The following AUTS2 variants were observed in gnomAD, a reference collection of about 807,000 sequenced individuals.
The protein encoded by AUTS2 is autism susceptibility gene 2 protein.
Under a neutral mutation model 112.4 loss-of-function variants are expected in AUTS2, and 17 were observed. That is an observed-to-expected ratio of 0.15 (90% CI 0.10 to 0.23). The LOEUF (loss-of-function observed/expected upper bound fraction) is 0.23. AUTS2 is among the 10% of genes least tolerant of loss of function. AUTS2 has a pLI of 1.00. For synonymous variants in AUTS2, 751 were observed against 702.7 expected (o/e 1.07, Z -1.09); for missense variants, 1,510 against 1,701.6 (o/e 0.89, Z 1.98).
chr7:70,462,113 G>A (rs1796989320), intron 5 of AUTS2, among the ~76,000 whole-genome samples: 1 of 152,076 alleles, frequency 6.6e-6, no homozygotes, highest in Non-Finnish European at 1.5e-5. Flanking sequence ...TTATCCAGGT[G>A]TGGTGGCATG....
At chr7:70,410,822 T>A (rs1419571141) in intron 4 of AUTS2, among the ~76,000 whole-genome samples, 28 of 151,222 alleles carry the variant, frequency 1.9e-4, no homozygotes, top group Admixed American at 1.8e-3. Flanking sequence ...ATGAAGGAAC[T>A]AAGGAAATAA....
At chr7:69,705,607 G>T (rs532772198) in intron 1 of AUTS2, among the ~76,000 whole-genome samples, 7 of 152,344 alleles carry the variant, frequency 4.6e-5, no homozygotes, top group African/African-American at 1.2e-4. Context: ...TTGGATCCAA[G>T]TGGAAATTAA....
At chr7:70,253,321 A>C (rs950741733) in intron 4 of AUTS2, among the ~76,000 whole-genome samples, 2 of 152,216 alleles carry the variant, frequency 1.3e-5, no homozygotes, top group Non-Finnish European at 2.9e-5. Context: ...CTGTTAGTAC[A>C]TACTAGGTGG....
At chr7:69,830,694 G>T (rs1428662024) in intron 1 of AUTS2, among the ~76,000 whole-genome samples, 1 of 152,086 alleles carries the variant, frequency 6.6e-6, no homozygotes, top group Non-Finnish European at 1.5e-5. Context: ...ATATTTATTT[G>T]TTTACTCTCT....
chr7:70,575,123 G>A (rs147688029), intron 5 of AUTS2, among the ~76,000 whole-genome samples: 2 of 152,286 alleles, frequency 1.3e-5, no homozygotes, highest in East Asian at 1.9e-4. Context: ...TAAAACGCTC[G>A]CAGAGACCTA....
intron 4 of AUTS2, among the ~76,000 whole-genome samples, chr7:70,265,114 GA>G (rs1262383515): frequency 1.3e-5 from 2 of 152,090 alleles, no homozygotes; most frequent in Middle Eastern, 3.4e-3. Context: ...TTTAATCTGA[GA>G]AAAAAATAAG....
intron 4 of AUTS2, among the ~76,000 whole-genome samples, chr7:70,153,331 A>G (rs999497328): frequency 1.3e-5 from 2 of 152,210 alleles, no homozygotes; most frequent in African/African-American, 2.4e-5. Context: ...AAAGGTACAT[A>G]TTGTATGGTT....
At chr7:70,395,561 G>A (rs1433614263) in intron 4 of AUTS2, among the ~76,000 whole-genome samples, 1 of 152,196 alleles carries the variant, frequency 6.6e-6, no homozygotes, top group Admixed American at 6.5e-5. Flanking sequence ...GTATGTGATT[G>A]AGCTGAGTAT....
At chr7:69,956,885 CAG>C (rs371593576) in intron 2 of AUTS2, among the ~76,000 whole-genome samples, 484 of 150,980 alleles carry the variant, frequency 3.2e-3, no homozygotes, top group African/African-American at 0.011. Context: ...TCTTTTGAGA[CAG>C]GGTCTCATTC....
At chr7:69,784,024 A>G (rs897655584) in intron 1 of AUTS2, among the ~76,000 whole-genome samples, 4 of 151,920 alleles carry the variant, frequency 2.6e-5, no homozygotes, top group Non-Finnish European at 5.9e-5. Context: ...CCCCTCCCCA[A>G]CCTTCAACTG....
chr7:70,163,493 C>T (rs1202009333), intron 4 of AUTS2, among the ~76,000 whole-genome samples: 1 of 152,096 alleles, frequency 6.6e-6, no homozygotes, highest in African/African-American at 2.4e-5. Flanking sequence ...ATGCAAAAGC[C>T]ATATGCTACT....
intron 4 of AUTS2, among the ~76,000 whole-genome samples, chr7:70,232,903 A>C (rs181696858): frequency 1.3e-5 from 2 of 152,318 alleles, no homozygotes; most frequent in East Asian, 3.9e-4. Flanking sequence ...TTTAAAGAAA[A>C]ACTCCAGAAT....
chr7:69,884,405 G>C (rs913403019), intron 1 of AUTS2, among the ~76,000 whole-genome samples: 1 of 152,186 alleles, frequency 6.6e-6, no homozygotes, highest in Non-Finnish European at 1.5e-5. Context: ...TAGATTATGA[G>C]TTTAAAAGTA....
At chr7:70,656,568 T>G (rs755096555) in intron 5 of AUTS2, among the ~76,000 whole-genome samples, 1 of 152,246 alleles carries the variant, frequency 6.6e-6, no homozygotes, top group African/African-American at 2.4e-5. Context: ...ATTTCAGTAC[T>G]TTCCATAACT....
chr7:69,972,385 T>A (rs748760563), intron 2 of AUTS2, among the ~76,000 whole-genome samples: 5 of 152,202 alleles, frequency 3.3e-5, no homozygotes, highest in African/African-American at 4.8e-5. Context: ...TTGCACATAT[T>A]TTCTTCTAAT....
chr7:70,642,513 T>C (rs1051919608), intron 5 of AUTS2, among the ~76,000 whole-genome samples: 4 of 152,216 alleles, frequency 2.6e-5, no homozygotes, highest in African/African-American at 7.2e-5. Flanking sequence ...TTGCCTTGAA[T>C]TTATTTCCAA....
At chr7:69,988,696 C>G (rs1439275939) in intron 2 of AUTS2, among the ~76,000 whole-genome samples, 1 of 152,210 alleles carries the variant, frequency 6.6e-6, no homozygotes, top group Admixed American at 6.5e-5. Flanking sequence ...AATGGCTGCT[C>G]ACTTTGCAGG....
chr7:70,694,625 G>C lies in AUTS2; in HGVS notation c.691-3944G>C, dbSNP rs1210834958. 2.0e-5 allele frequency: 3 copies of C among 148,388 alleles called. No homozygotes were observed. The highest frequency in any genetic ancestry group is 3.0e-5 in the Non-Finnish European group (2 of 66,858). 9.2% of individuals were successfully genotyped at this position (148,388 alleles called of 1,614,324 possible). ...GGCTCAGGCCGCTCTTCTCCGCCTCGCCCTCCCGCCGGCCGGCCCGGGACG... is the reference window on the plus strand; with the variant it reads ...GGCTCAGGCCGCTCTTCTCCGCCTCCCCCTCCCGCCGGCCGGCCCGGGACG... On this transcript the variant is annotated intron_variant, in intron 5 of 18. Transcript: ENST00000342771. This position sits in a 1 kb window ranked among gnomAD's most constrained non-coding sequence, Gnocchi z 4.1.
intron 5 of AUTS2, among the ~76,000 whole-genome samples, chr7:70,615,053 G>T (rs558823379): frequency 6.6e-6 from 1 of 152,194 alleles, no homozygotes; most frequent in South Asian, 2.1e-4. Context: ...AATTACGAAC[G>T]CTGGATGAAG....
Sources: gnomAD v4.1 joint callset for allele counts (sites outside exome capture counted in the v4.1 genomes callset) on GRCh38, gnomAD v4.1.1 for gene constraint, Gnocchi (gnomAD v3.1) non-coding constraint, MANE v1.5 for transcripts, NCBI Gene and HGNC (gene_info 2026-07-23, HGNC 2026-07-21) for gene names.